The following TENM2 variants were observed in gnomAD, a reference collection of about 807,000 sequenced individuals.
TENM2 encodes teneurin-2.
In TENM2, 52 loss-of-function variants were observed where a neutral mutation model predicts 245.2. That is an observed-to-expected ratio of 0.21 (90% CI 0.17 to 0.27). TENM2 has a LOEUF of 0.27. Ranked by LOEUF, TENM2 falls within the 10% of genes least tolerant of loss-of-function variation. The pLI is 1.00. For synonymous variants in TENM2, 1,363 were observed against 1,438.9 expected (o/e 0.95, Z 1.19); for missense variants, 3,046 against 3,666.8 (o/e 0.83, Z 4.37).
chr5:167,209,840 G>A, the TENM2 span, among the ~76,000 whole-genome samples: 2 of 152,042 alleles, frequency 1.3e-5, 1 homozygote, highest in Non-Finnish European at 2.9e-5. Flanking sequence ...TACTTACAAG[G>A]CTCAGTGAAT....
intron 15 of TENM2, among the ~76,000 whole-genome samples, chr5:168,196,557 G>A (rs544495609): frequency 6.6e-6 from 1 of 152,270 alleles, no homozygotes; most frequent in African/African-American, 2.4e-5. Flanking sequence ...CGCCTCCTGA[G>A]TTCAAGTGAT....
At chr5:167,385,998 G>A (rs2127349646) in intron 2 of TENM2, among the ~76,000 whole-genome samples, 1 of 151,970 alleles carries the variant, frequency 6.6e-6, no homozygotes, top group African/African-American at 2.4e-5. Flanking sequence ...GCGTGTGCAA[G>A]TATCTTTTTC....
At chr5:168,035,933 G>C (rs895619048) in intron 5 of TENM2, among the ~76,000 whole-genome samples, 1 of 152,174 alleles carries the variant, frequency 6.6e-6, no homozygotes, top group African/African-American at 2.4e-5. Context: ...AATCAAATAA[G>C]ACTAGTAGGA....
At chr5:167,301,216 G>T (rs761862429) in intron 1 of TENM2, among the ~76,000 whole-genome samples, 2 of 152,198 alleles carry the variant, frequency 1.3e-5, no homozygotes, top group African/African-American at 2.4e-5. Flanking sequence ...AGTTCCAGGG[G>T]CTCTGGGAGT....
At chr5:167,103,720 G>A in the TENM2 span, among the ~76,000 whole-genome samples, 4 of 152,118 alleles carry the variant, frequency 2.6e-5, no homozygotes, top group Non-Finnish European at 4.4e-5. Context: ...AATTAGCAGT[G>A]TGGTTTCCAA....
chr5:167,875,808 T>C (rs142276227), intron 2 of TENM2, among the ~76,000 whole-genome samples, 178 bp from the exon 5 acceptor site: 1,665 of 152,244 alleles, frequency 0.011, 31 homozygotes, highest in African/African-American at 0.038. Context: ...ACCTAAAATA[T>C]GAATTTAGAC....
intron 2 of TENM2, among the ~76,000 whole-genome samples, chr5:167,446,221 T>C (rs572627028): frequency 6.6e-6 from 1 of 152,332 alleles, no homozygotes; most frequent in African/African-American, 2.4e-5. Flanking sequence ...TCCTGGACTC[T>C]GAAAGGCGAG....
chr5:168,016,754 C>A (rs574861609), intron 5 of TENM2, among the ~76,000 whole-genome samples: 8 of 152,256 alleles, frequency 5.3e-5, no homozygotes, highest in African/African-American at 1.9e-4. Flanking sequence ...CGCTGGAATC[C>A]CCACTCTTCC....
At chr5:167,918,697 G>A (rs1277582955) in intron 3 of TENM2, among the ~76,000 whole-genome samples, 2 of 152,084 alleles carry the variant, frequency 1.3e-5, no homozygotes, top group Non-Finnish European at 2.9e-5. Context: ...CTATTAGAGA[G>A]ACCAGTAAGC....
chr5:167,985,440 G>A (rs545806473), intron 4 of TENM2, among the ~76,000 whole-genome samples: 9 of 152,296 alleles, frequency 5.9e-5, no homozygotes, highest in East Asian at 3.9e-4. Flanking sequence ...ACAGCGCTAC[G>A]TTGAGACCAT....
At chr5:168,248,350 G>C in exon 27 of TENM2, 1 of 1,613,044 alleles carries the variant, frequency 6.2e-7, no homozygotes, top group Non-Finnish European at 8.5e-7. Flanking sequence ...CAGTGAGCTA[G>C]ATTTGAAGAA....
At chr5:168,096,375 C>A (rs572708203) in intron 8 of TENM2, among the ~76,000 whole-genome samples, 1 of 152,330 alleles carries the variant, frequency 6.6e-6, no homozygotes, top group South Asian at 2.1e-4. Context: ...CTGGATGCTT[C>A]TCAGCCGACA....
At chr5:167,903,581 A>G (rs182288762) in intron 3 of TENM2, among the ~76,000 whole-genome samples, 1 of 152,268 alleles carries the variant, frequency 6.6e-6, no homozygotes, top group Non-Finnish European at 1.5e-5. Context: ...AACAGCAGGG[A>G]AAAGGATCTA....
At chr5:167,628,656 A>G (rs1778673801) in intron 2 of TENM2, among the ~76,000 whole-genome samples, 1 of 152,224 alleles carries the variant, frequency 6.6e-6, no homozygotes, top group Non-Finnish European at 1.5e-5. Flanking sequence ...TGTGGGACTT[A>G]GGATGAGCTG....
chr5:167,083,854 A>G, the TENM2 span, among the ~76,000 whole-genome samples: 1 of 152,200 alleles, frequency 6.6e-6, no homozygotes, highest in Non-Finnish European at 1.5e-5. Context: ...TTTTAACAGG[A>G]CATGGAACAG....
intron 2 of TENM2, among the ~76,000 whole-genome samples, chr5:167,749,811 A>G (rs1761839892): frequency 6.6e-6 from 1 of 152,146 alleles, no homozygotes; most frequent in South Asian, 2.1e-4. Flanking sequence ...ATATTTTTAA[A>G]TGAGTGTCTT....
the TENM2 span, among the ~76,000 whole-genome samples, chr5:167,106,937 AAAG>A: frequency 6.6e-6 from 1 of 152,046 alleles, no homozygotes; most frequent in Non-Finnish European, 1.5e-5. Context: ...ACAAAAAGAA[AAAG>A]AAGAAGAAAA....
At chr5:167,567,581 G>A (rs1000459189) in intron 2 of TENM2, among the ~76,000 whole-genome samples, 1 of 152,098 alleles carries the variant, frequency 6.6e-6, no homozygotes, top group African/African-American at 2.4e-5. Flanking sequence ...GGGGGAAAAC[G>A]ATATGCTTCC....
At chr5:167,245,997 A>G in the TENM2 span, among the ~76,000 whole-genome samples, 1 of 152,116 alleles carries the variant, frequency 6.6e-6, no homozygotes, top group Non-Finnish European at 1.5e-5. Context: ...GGCTGGAGAG[A>G]ATGCTTCCCT....
Sources: gnomAD v4.1 joint callset for allele counts (sites outside exome capture counted in the v4.1 genomes callset) on GRCh38, gnomAD v4.1.1 for gene constraint, MANE v1.5 for transcripts, NCBI Gene and HGNC (gene_info 2026-07-23, HGNC 2026-07-21) for gene names.